ADGRL3: variants seen among roughly 807,000 people sequenced by gnomAD.
The protein encoded by ADGRL3 is adhesion G protein-coupled receptor L3.
ADGRL3 carries 62 observed loss-of-function variants against 153.5 expected under a neutral mutation model. The ratio of observed to expected loss-of-function variants is 0.40; its 90% CI spans 0.33 to 0.50. The LOEUF (loss-of-function observed/expected upper bound fraction) is 0.50, where lower values mean the gene tolerates loss of function less well. ADGRL3 is among the 20% of genes least tolerant of loss of function. The pLI is 0.47. For missense variants in ADGRL3, 1,641 were observed against 1,859.4 expected (o/e 0.88, Z 2.16); for synonymous variants, 710 against 672.5 (o/e 1.06, Z -0.86).
At chr4:62,031,036 T>TCC (rs1721736983) in intron 22 of ADGRL3, among the ~76,000 whole-genome samples, 1 of 151,546 alleles carries the variant, frequency 6.6e-6, no homozygotes, top group Admixed American at 6.6e-5. Flanking sequence ...GGTAAAAATG[T>TCC]ATCAGAAGAA....
At chr4:61,612,738 G>T (rs1477544693) in intron 5 of ADGRL3, among the ~76,000 whole-genome samples, 9 of 152,000 alleles carry the variant, frequency 5.9e-5, no homozygotes, top group African/African-American at 1.9e-4. Context: ...CAGAATAAAG[G>T]GCCATTTATA....
chr4:62,061,898 A>G (rs897196697), intron 25 of ADGRL3, among the ~76,000 whole-genome samples: 2 of 152,046 alleles, frequency 1.3e-5, no homozygotes, highest in South Asian at 2.1e-4. Flanking sequence ...GTTTGGAGCT[A>G]CTACAAATAA....
chr4:61,441,350 C>T (rs2097526271), intron 2 of ADGRL3, among the ~76,000 whole-genome samples: 1 of 152,192 alleles, frequency 6.6e-6, no homozygotes, highest in Non-Finnish European at 1.5e-5. Context: ...ATAGAGGCCA[C>T]CATTTCCATT....
chr4:61,695,571 G>C (rs1238314579), intron 6 of ADGRL3, among the ~76,000 whole-genome samples: 1 of 152,034 alleles, frequency 6.6e-6, no homozygotes, highest in Non-Finnish European at 1.5e-5. Flanking sequence ...ATTGCCCTAG[G>C]ATTTCAAGAA....
chr4:61,678,473 C>G (rs892403697), intron 6 of ADGRL3, among the ~76,000 whole-genome samples: 16 of 151,926 alleles, frequency 1.1e-4, no homozygotes, highest in African/African-American at 3.9e-4. Flanking sequence ...AGGATAGCCA[C>G]TTCAAAATCC....
intron 5 of ADGRL3, among the ~76,000 whole-genome samples, chr4:61,646,369 TAG>T (rs1419758768): frequency 3.3e-5 from 5 of 152,000 alleles, no homozygotes; most frequent in South Asian, 4.1e-4. Flanking sequence ...CTCTGCTTTT[TAG>T]AGTTTCCAGT....
chr4:61,851,425 C>CA (rs2098201311), intron 9 of ADGRL3, among the ~76,000 whole-genome samples: 2 of 151,424 alleles, frequency 1.3e-5, no homozygotes, highest in South Asian at 4.2e-4. Flanking sequence ...CTTCTCTCTA[C>CA]AAAAAAATTA....
chr4:61,396,434 G>A (rs1170469130), intron 2 of ADGRL3, among the ~76,000 whole-genome samples: 1 of 151,740 alleles, frequency 6.6e-6, no homozygotes, highest in Non-Finnish European at 1.5e-5. Context: ...ACTTTTATAG[G>A]AATATACATA....
At chr4:61,312,209 A>T (rs956698753) in intron 1 of ADGRL3, among the ~76,000 whole-genome samples, 6 of 152,228 alleles carry the variant, frequency 3.9e-5, no homozygotes, top group Non-Finnish European at 8.8e-5. Flanking sequence ...ATAACTAGAT[A>T]TCCACATGAA....
chr4:61,544,569 T>C (rs572126041), intron 4 of ADGRL3, among the ~76,000 whole-genome samples: 1 of 152,328 alleles, frequency 6.6e-6, no homozygotes, highest in African/African-American at 2.4e-5. Flanking sequence ...TTCTGTTTTT[T>C]CCCTTTTGGT....
At chr4:61,573,632 T>G (rs1418254743) in intron 4 of ADGRL3, among the ~76,000 whole-genome samples, 1 of 151,998 alleles carries the variant, frequency 6.6e-6, no homozygotes, top group Non-Finnish European at 1.5e-5. Context: ...AATTCATATT[T>G]GCCATCAATT....
At chr4:61,908,100 C>T (rs1046804472) in intron 11 of ADGRL3, among the ~76,000 whole-genome samples, 11 of 151,764 alleles carry the variant, frequency 7.2e-5, no homozygotes, top group Non-Finnish European at 1.3e-4. Flanking sequence ...GACCAGGAGC[C>T]CCATCTCTAC....
At chr4:61,673,367 T>A (rs1347245475) in intron 5 of ADGRL3, among the ~76,000 whole-genome samples, 1 of 151,870 alleles carries the variant, frequency 6.6e-6, no homozygotes, top group African/African-American at 2.4e-5. Flanking sequence ...ATTGTGGTAA[T>A]CATTTTACAT....
intron 1 of ADGRL3, among the ~76,000 whole-genome samples, chr4:61,335,768 G>A (rs2095662262): frequency 6.6e-6 from 1 of 152,162 alleles, no homozygotes; most frequent in East Asian, 1.9e-4. Flanking sequence ...CGGTGTATGT[G>A]TGTGAAAAGA....
At chr4:61,341,006 C>T (rs1482276275) in intron 1 of ADGRL3, among the ~76,000 whole-genome samples, 2 of 151,808 alleles carry the variant, frequency 1.3e-5, no homozygotes, top group Admixed American at 6.6e-5. Context: ...TTTAAATAAA[C>T]TAAGAGAATG....
intron 11 of ADGRL3, among the ~76,000 whole-genome samples, chr4:61,907,877 T>C (rs2149792260): frequency 6.6e-6 from 1 of 152,174 alleles, no homozygotes; most frequent in East Asian, 1.9e-4. Flanking sequence ...ATCTAGAAGC[T>C]AGGAATGCCT....
chr4:61,789,462 G>A lies in ADGRL3; in HGVS notation c.1400-24347G>A, dbSNP rs114240349. ...GAGTATTATAATCACTTTATGTAAG[G>A]ATTATCAAATATATTGGCAATTATA... is the stretch of plus-strand genomic sequence containing the variant. On this transcript the variant is annotated intron_variant, in intron 8 of 26. Coordinates refer to ENST00000683033, the MANE Select transcript of ADGRL3 (RefSeq NM_001387552.1). Among the ~76,000 whole-genome samples the A allele has an allele frequency of 7.1e-3, 1,085 of 152,130 alleles. 6 individuals carry two copies. Among genetic ancestry groups the A allele is most frequent in the Non-Finnish European group, 0.011 (733 of 67,986 alleles).
chr4:61,480,819 A>G (rs1184202010), intron 2 of ADGRL3, among the ~76,000 whole-genome samples: 1 of 152,026 alleles, frequency 6.6e-6, no homozygotes, highest in Admixed American at 6.6e-5. Context: ...TAAATAAAAG[A>G]TAAAATGAGC....
Position 61,733,536 on chromosome 4 carries a change from C to T in ADGRL3, c.1381C>T (p.Pro461Ser), listed in dbSNP as rs2096468162. 6.2e-7 allele frequency: 1 copy of T among 1,611,980 alleles called. No homozygotes were observed. The highest frequency in any genetic ancestry group is 1.7e-5 in the Admixed American group (1 of 59,778). The change falls in exon 8 of 27, where the codon CCT becomes TCT. Residue 461 changes from proline (P) to serine (S), a missense_variant. By Grantham distance (74) the Pro-to-Ser change is moderately conservative (BLOSUM62 -1). Around this residue, in one of 5 missense-constraint regions of ADGRL3, gnomAD observed 734 missense variants for 797.0 expected, o/e 0.92. Coordinates refer to ENST00000683033, the MANE Select transcript of ADGRL3 (RefSeq NM_001387552.1). ...CGTGAAATATTCTTTGGATTTTGGA[C>T]CTCTGGATAGTAGATCAGGTAAGTT... The part of the protein sequence containing the change: ...HVVKYSLDFG[P>S]LDSRSGQAHH...
Sources: gnomAD v4.1 joint callset for allele counts (sites outside exome capture counted in the v4.1 genomes callset) on GRCh38, gnomAD v4.1.1 for gene constraint, gnomAD v4.1.1 regional missense constraint, MANE v1.5 for transcripts, NCBI Gene and HGNC (gene_info 2026-07-23, HGNC 2026-07-21) for gene names.